PTPRD: variants seen among roughly 807,000 people sequenced by gnomAD.
PTPRD encodes the protein protein tyrosine phosphatase receptor type D.
Under a neutral mutation model 214.5 loss-of-function variants are expected in PTPRD, and 34 were observed. The observed-to-expected ratio is 0.16, with a 90% CI of 0.12 to 0.21. PTPRD has a LOEUF of 0.21. PTPRD is among the 10% of genes least tolerant of loss of function. PTPRD has a pLI of 1.00. For synonymous variants in PTPRD, 1,128 were observed against 845.7 expected (o/e 1.33, Z -5.79); for missense variants, 2,545 against 2,398.7 (o/e 1.06, Z -1.27).
intron 14 of PTPRD, among the ~76,000 whole-genome samples, chr9:8,540,861 C>T (rs1564183225): frequency 6.6e-6 from 1 of 152,076 alleles, no homozygotes; most frequent in African/African-American, 2.4e-5. Flanking sequence ...CTAAAAAGAG[C>T]ATTTCACTAT....
intron 9 of PTPRD, among the ~76,000 whole-genome samples, chr9:9,298,888 A>G (rs940402976): frequency 6.6e-6 from 1 of 151,828 alleles, no homozygotes; most frequent in Non-Finnish European, 1.5e-5. Flanking sequence ...CCTGTCAGCA[A>G]TACCAGCTTA....
At chr9:9,685,142 A>T (rs1326716683) in intron 7 of PTPRD, among the ~76,000 whole-genome samples, 3 of 151,440 alleles carry the variant, frequency 2.0e-5, no homozygotes, top group Non-Finnish European at 3.0e-5. Context: ...TTTTTAAGAA[A>T]GTTGATTACC....
chr9:10,495,334 G>C (rs191953761), intron 2 of PTPRD, among the ~76,000 whole-genome samples: 2 of 151,930 alleles, frequency 1.3e-5, no homozygotes, highest in Non-Finnish European at 2.9e-5. Flanking sequence ...AAAGACTGGA[G>C]CTTAAATAGA....
At chr9:8,927,311 G>A (rs568542515) in intron 11 of PTPRD, among the ~76,000 whole-genome samples, 1 of 152,050 alleles carries the variant, frequency 6.6e-6, no homozygotes, top group East Asian at 1.9e-4. Context: ...TCATGGTGGT[G>A]TGCTGCACCC....
intron 2 of PTPRD, among the ~76,000 whole-genome samples, chr9:10,604,547 T>C (rs1313249590): frequency 6.6e-6 from 1 of 151,778 alleles, no homozygotes; most frequent in Non-Finnish European, 1.5e-5. Context: ...CCTGAGACAA[T>C]TATACTGCAA....
intron 7 of PTPRD, among the ~76,000 whole-genome samples, chr9:9,726,919 C>A (rs369521730): frequency 5.0e-4 from 76 of 152,056 alleles, no homozygotes; most frequent in African/African-American, 1.8e-3. Context: ...GTTCTGAGTA[C>A]CCAAGGTTTT....
At chr9:8,988,785 T>C (rs1262973611) in intron 11 of PTPRD, among the ~76,000 whole-genome samples, 1 of 152,052 alleles carries the variant, frequency 6.6e-6, no homozygotes, top group East Asian at 1.9e-4. Context: ...GTTGTGGTGT[T>C]AGTTGGAAAT....
At chr9:9,145,909 G>C (rs748321265) in intron 10 of PTPRD, among the ~76,000 whole-genome samples, 1 of 152,214 alleles carries the variant, frequency 6.6e-6, no homozygotes, top group African/African-American at 2.4e-5. Context: ...ACATAGGCAC[G>C]TATCATCAAC....
intron 14 of PTPRD, among the ~76,000 whole-genome samples, chr9:8,592,408 A>AC (rs1329370980): frequency 2.6e-5 from 4 of 152,330 alleles, no homozygotes; most frequent in African/African-American, 9.6e-5. Context: ...ATAGGGAGTT[A>AC]GAGTTGACTC....
chr9:9,677,077 T>A (rs1460742821), intron 7 of PTPRD, among the ~76,000 whole-genome samples: 4 of 152,158 alleles, frequency 2.6e-5, no homozygotes, highest in Non-Finnish European at 4.4e-5. Context: ...TTTTGTAGGT[T>A]GCCTGTTCAC....
At chr9:8,426,377 C>T (rs971478462) in intron 35 of PTPRD, among the ~76,000 whole-genome samples, 2 of 152,300 alleles carry the variant, frequency 1.3e-5, no homozygotes, top group African/African-American at 2.4e-5. Context: ...TATGGCATCC[C>T]TCTAAGTACA....
At chr9:10,551,388 TG>T (rs2061324771) in intron 2 of PTPRD, among the ~76,000 whole-genome samples, 1 of 152,058 alleles carries the variant, frequency 6.6e-6, no homozygotes, top group South Asian at 2.1e-4. Context: ...CCGTGATTCA[TG>T]TTCCTTGTGC....
At chr9:9,801,460 A>T (rs1934270) in intron 5 of PTPRD, among the ~76,000 whole-genome samples, 97,378 of 151,924 alleles carry the variant, frequency 0.64, 33,207 homozygotes, top group East Asian at 0.87. Context: ...TTATAAAGCA[A>T]ACAAATCTCA....
At chr9:10,385,755 G>C (rs1013905984) in intron 2 of PTPRD, among the ~76,000 whole-genome samples, 2 of 151,780 alleles carry the variant, frequency 1.3e-5, no homozygotes, top group African/African-American at 4.8e-5. Flanking sequence ...CTTAGTGCCT[G>C]ACACATAGAT....
intron 2 of PTPRD, among the ~76,000 whole-genome samples, chr9:10,468,750 G>C (rs1227420756): frequency 2.0e-5 from 3 of 151,956 alleles, no homozygotes; most frequent in Admixed American, 1.3e-4. Flanking sequence ...ATTCAGCAGT[G>C]AATGTTTATG....
intron 4 of PTPRD, among the ~76,000 whole-genome samples, chr9:10,025,419 A>G (rs2096905067): frequency 1.3e-5 from 2 of 152,322 alleles, no homozygotes; most frequent in African/African-American, 2.4e-5. Context: ...ATGATTCTTA[A>G]GCAATTTTGC....
At chr9:8,499,052 G>T (rs1457001831) in intron 25 of PTPRD, among the ~76,000 whole-genome samples, 8 of 151,814 alleles carry the variant, frequency 5.3e-5, no homozygotes, top group Non-Finnish European at 8.8e-5. Flanking sequence ...TTGGTTCAAC[G>T]TAAGGATCCC....
chr9:10,061,306 A>G (rs908272408), intron 3 of PTPRD, among the ~76,000 whole-genome samples: 3 of 152,054 alleles, frequency 2.0e-5, no homozygotes, highest in African/African-American at 7.2e-5. Context: ...TGAGCAAATG[A>G]ATCACAGAAA....
chr9:9,146,195 T>C (rs1304530326), intron 10 of PTPRD, among the ~76,000 whole-genome samples: 1 of 152,180 alleles, frequency 6.6e-6, no homozygotes, highest in Non-Finnish European at 1.5e-5. Flanking sequence ...ATGATTTAGA[T>C]TGTTTATTCG....
Sources: gnomAD v4.1 joint callset for allele counts (sites outside exome capture counted in the v4.1 genomes callset) on GRCh38, gnomAD v4.1.1 for gene constraint, MANE v1.5 for transcripts, NCBI Gene and HGNC (gene_info 2026-07-23, HGNC 2026-07-21) for gene names.